Variants in TNFRSF11B observed in about 807,000 individuals in gnomAD.
TNFRSF11B encodes the protein tumor necrosis factor receptor superfamily member 11B.
A neutral mutation model predicts 43.4 loss-of-function variants in TNFRSF11B; 16 were observed. That is an observed-to-expected ratio of 0.37 (90% CI 0.25 to 0.56). The LOEUF (loss-of-function observed/expected upper bound fraction) is 0.56, where lower values mean the gene tolerates loss of function less well. TNFRSF11B is among the 20% of genes least tolerant of loss of function. TNFRSF11B has a pLI of 0.80. For synonymous variants in TNFRSF11B, 185 were observed against 181.8 expected, an observed-to-expected ratio of 1.02 and a Z score of -0.14; for missense variants, 444 against 490.1, an observed-to-expected ratio of 0.91 and a Z score of 0.89.
rs879475983 is a variant in TNFRSF11B, at chr8:118,923,797, A to C, written c.*577T>G. The stretch of plus-strand genomic sequence containing the variant: ...GAAAAATATGGCAGTACCTATTAGA[A>C]AAATGCTACAAACTTTCCATTAAAA... On this transcript the variant is annotated 3_prime_UTR_variant, in exon 5 of 5. Transcript: ENST00000297350. The C allele has an allele frequency of 1.3e-5, 2 of 152,692 alleles. No homozygotes were observed. Among genetic ancestry groups the C allele is most frequent in the African/African-American group, 4.8e-5 (2 of 41,460 alleles). 9.5% of individuals were successfully genotyped at this position (152,692 alleles called of 1,614,324 possible).
intron 2 of TNFRSF11B, among the ~76,000 whole-genome samples, chr8:118,932,665 A>AG (rs1812345779): frequency 1.3e-5 from 2 of 151,886 alleles, no homozygotes; most frequent in Non-Finnish European, 2.9e-5. Flanking sequence ...TTTCTTTAAA[A>AG]AAAAAAAAAA....
chr8:118,949,368 A>G (rs1205784926), intron 1 of TNFRSF11B, among the ~76,000 whole-genome samples: 1 of 152,140 alleles, frequency 6.6e-6, no homozygotes, highest in Non-Finnish European at 1.5e-5. Flanking sequence ...CTTCGTTTAC[A>G]TAATTCACTT....
chr8:118,940,477 G>A (rs1192045215), intron 1 of TNFRSF11B, among the ~76,000 whole-genome samples: 4 of 152,124 alleles, frequency 2.6e-5, no homozygotes, highest in East Asian at 1.9e-4. Context: ...CCACTACTTA[G>A]TAACCATGAT....
Position 118,926,587 on chromosome 8 carries a change from G to A in TNFRSF11B, c.724C>T (p.Arg242Trp), listed in dbSNP as rs774691067. ...VNAESVERIK[R>W]QHSSQEQTFQ... The stretch of plus-strand genomic sequence containing the variant: ...GTCTGTTCTTGTGAGCTGTGTTGCC[G>A]TTTTATCCTCTCTACACTCTCTGCG... Residue 242 changes from arginine to tryptophan, a missense_variant, in exon 4 of 5, where the codon CGG (arginine) becomes TGG (tryptophan). Physicochemically the swap from Arg to Trp is moderately radical, Grantham distance 101. Coordinates refer to ENST00000297350, the MANE Select transcript of TNFRSF11B (RefSeq NM_002546.4). 38 of 1,614,070 alleles carry A rather than the reference G, an allele frequency of 2.4e-5. No homozygotes were observed. The East Asian group carries it at 3.3e-4, about 14-fold the overall frequency.
At position 118,933,235 on chromosome 8, in the gene TNFRSF11B, G is replaced by C. The variant is rs4876870; in HGVS notation, c.96C>G (p.Asp32Glu). Residue 32 changes from aspartate (D) to glutamate (E), a missense_variant, in exon 2 of 5, where the codon GAC becomes GAG. Transcript: ENST00000297350. ...ACAACAGCTGATGAGAGGTTTCTTC[G>C]TCATAATGAAGGTACTTTGGAGGAA... ...ETFPPKYLHY[D>E]EETSHQLLCD... 3.2e-5 allele frequency: 51 copies of C among 1,613,996 alleles called. No homozygotes were observed. The highest frequency in any genetic ancestry group is 4.1e-5 in the Non-Finnish European group (48 of 1,180,038).
At chr8:118,949,952 G>T (rs1029887103) in intron 1 of TNFRSF11B, among the ~76,000 whole-genome samples, 3 of 152,074 alleles carry the variant, frequency 2.0e-5, no homozygotes, top group African/African-American at 7.2e-5. Context: ...TAAAGAAAGG[G>T]GAAGCAAAAT....
chr8:118,945,820 G>A (rs1414146404), intron 1 of TNFRSF11B, among the ~76,000 whole-genome samples: 1 of 152,094 alleles, frequency 6.6e-6, no homozygotes, highest in Non-Finnish European at 1.5e-5. Context: ...AAGCTTAGAT[G>A]AGTCACTGTC....
At chr8:118,951,639 T>C (rs1400286726) in intron 1 of TNFRSF11B, among the ~76,000 whole-genome samples, 153 bp downstream of exon 1, 4 of 152,154 alleles carry the variant, frequency 2.6e-5, no homozygotes, top group Non-Finnish European at 4.4e-5. Flanking sequence ...TGGCATAACT[T>C]GAAAGCGGTT....
Position 118,928,923 on chromosome 8 carries a change from G to C in TNFRSF11B, c.407C>G (p.Pro136Arg), listed in dbSNP as rs758373849. Reference sequence around the variant, plus strand: ...TCTTTTGCAAACTGTATTTCGCTCTGGGGTTCCTACAGAAAATACCAAGCA... The same window carrying C: ...TCTTTTGCAAACTGTATTTCGCTCTCGGGTTCCTACAGAAAATACCAAGCA... ...PGFGVVQAGT[P>R]ERNTVCKRCP... is the part of the protein sequence containing the mutation. Residue 136 changes from proline to arginine, a missense_variant, in exon 3 of 5, where the codon CCA (proline) becomes CGA (arginine). Pro to Arg is a moderately radical substitution (Grantham distance 103, BLOSUM62 -2). Coordinates refer to ENST00000297350, the MANE Select transcript of TNFRSF11B (RefSeq NM_002546.4). 2 of 1,614,046 alleles carry C rather than the reference G, an allele frequency of 1.2e-6. No individual in the cohort carries two copies. Among genetic ancestry groups the C allele is most frequent in the South Asian group, 1.1e-5 (1 of 91,074 alleles).
At chr8:118,940,488 C>A (rs1005923194) in intron 1 of TNFRSF11B, among the ~76,000 whole-genome samples, 6 of 152,142 alleles carry the variant, frequency 3.9e-5, no homozygotes, top group African/African-American at 1.4e-4. Context: ...TAACCATGAT[C>A]CCACCCCTAC....
intron 1 of TNFRSF11B, among the ~76,000 whole-genome samples, chr8:118,942,099 AG>A (rs1207725835): frequency 6.6e-6 from 1 of 152,106 alleles, no homozygotes; most frequent in Admixed American, 6.5e-5. Flanking sequence ...TTTAAGTTCT[AG>A]GGTACATGTG....
At chr8:118,940,075 C>T (rs1304878885) in intron 1 of TNFRSF11B, among the ~76,000 whole-genome samples, 1 of 152,122 alleles carries the variant, frequency 6.6e-6, no homozygotes, top group Non-Finnish European at 1.5e-5. Flanking sequence ...CAAACTATCA[C>T]AAGGACAGAA....
intron 1 of TNFRSF11B, among the ~76,000 whole-genome samples, chr8:118,933,577 T>G (rs189082704): frequency 6.6e-6 from 1 of 152,356 alleles, no homozygotes; most frequent in African/African-American, 2.4e-5. Context: ...GATGCACTGC[T>G]GAATTACCAT....
chr8:118,939,796 A>T (rs376571296), intron 1 of TNFRSF11B, among the ~76,000 whole-genome samples: 4 of 152,222 alleles, frequency 2.6e-5, no homozygotes, highest in Admixed American at 2.6e-4. Flanking sequence ...ATGAGCACAT[A>T]AATTGCTCTA....
chr8:118,926,944 G>C (rs1424562510), intron 3 of TNFRSF11B, among the ~76,000 whole-genome samples: 1 of 152,194 alleles, frequency 6.6e-6, no homozygotes, highest in Non-Finnish European at 1.5e-5. Flanking sequence ...TTGTTTTCAA[G>C]AGAAAGTTTA....
intron 2 of TNFRSF11B, among the ~76,000 whole-genome samples, chr8:118,931,286 G>T (rs1563689842): frequency 6.6e-6 from 1 of 152,134 alleles, no homozygotes; most frequent in Non-Finnish European, 1.5e-5. Flanking sequence ...TTTAGGGAGG[G>T]AGAGGTAAAT....
At chr8:118,946,800 C>T (rs1185132843) in intron 1 of TNFRSF11B, among the ~76,000 whole-genome samples, 2 of 152,136 alleles carry the variant, frequency 1.3e-5, no homozygotes, top group African/African-American at 4.8e-5. Context: ...CAGGCTTCTC[C>T]TGCACTCTAA....
rs913395949 is a variant in TNFRSF11B, at chr8:118,944,724, G to A, written c.30+7068C>T. Among the ~76,000 whole-genome samples, 3 of 152,052 alleles carry A rather than the reference G, an allele frequency of 2.0e-5. No individual in the cohort carries two copies. In the East Asian group the frequency reaches 5.8e-4, roughly 29 times the overall value. On this transcript the variant is annotated intron_variant, in intron 1 of 4. Transcript: ENST00000297350. Reference sequence around the variant, plus strand: ...GTATTATTCAAGTGTAGTTGTTAATGGTCATGCCAACCTACCCATTATCAT... The same window carrying A: ...GTATTATTCAAGTGTAGTTGTTAATAGTCATGCCAACCTACCCATTATCAT...
intron 1 of TNFRSF11B, 144 bp downstream of exon 1, chr8:118,951,648 T>C: frequency 7.7e-6 from 6 of 780,880 alleles, no homozygotes; most frequent in Non-Finnish European, 4.2e-6. Flanking sequence ...TTGAAAGCGG[T>C]TTCCTGCTCC....
Sources: gnomAD v4.1 joint callset for allele counts (sites outside exome capture counted in the v4.1 genomes callset) on GRCh38, gnomAD v4.1.1 for gene constraint, MANE v1.5 for transcripts, NCBI Gene and HGNC (gene_info 2026-07-23, HGNC 2026-07-21) for gene names.